The following SHROOM3 variants were observed in gnomAD, a reference collection of about 807,000 sequenced individuals.
SHROOM3 encodes the protein protein Shroom3.
In SHROOM3, 47 loss-of-function variants were observed where a neutral mutation model predicts 138.6. The ratio of observed to expected loss-of-function variants is 0.34; its 90% CI spans 0.27 to 0.43. The LOEUF (loss-of-function observed/expected upper bound fraction) is 0.43. Ranked by LOEUF, SHROOM3 falls within the 20% of genes least tolerant of loss-of-function variation. The pLI, the probability that SHROOM3 is intolerant of heterozygous loss-of-function variation, is 1.00. For missense variants in SHROOM3, 2,491 were observed against 2,596.5 expected, an observed-to-expected ratio of 0.96 and a Z score of 0.88; for synonymous variants, 1,062 against 1,063.3, an observed-to-expected ratio of 1.00 and a Z score of 0.02.
chr4:76,591,209 C>G (rs1734266730), intron 2 of SHROOM3, among the ~76,000 whole-genome samples: 1 of 152,164 alleles, frequency 6.6e-6, no homozygotes, highest in South Asian at 2.1e-4. Context: ...TACCCCTTAC[C>G]AGGCTATTTC....
intron 1 of SHROOM3, among the ~76,000 whole-genome samples, chr4:76,486,912 TA>T (rs34070396): frequency 1.9e-4 from 29 of 150,258 alleles, no homozygotes; most frequent in East Asian, 9.7e-4. Context: ...AAGGCAACTT[TA>T]AAAAAAAAAC....
chr4:76,768,163 A>T (rs941373427), intron 9 of SHROOM3, among the ~76,000 whole-genome samples: 3 of 152,212 alleles, frequency 2.0e-5, no homozygotes, highest in African/African-American at 7.2e-5. Context: ...TATCTGTCTG[A>T]AAAACAGGAA....
intron 1 of SHROOM3, among the ~76,000 whole-genome samples, chr4:76,502,589 C>T (rs1469846414): frequency 6.6e-6 from 1 of 152,118 alleles, no homozygotes; most frequent in Non-Finnish European, 1.5e-5. Flanking sequence ...GTGGGGAAAA[C>T]CCCCCACCCT....
chr4:76,632,345 C>G (rs1735350390), intron 2 of SHROOM3, among the ~76,000 whole-genome samples: 1 of 152,130 alleles, frequency 6.6e-6, no homozygotes, highest in Non-Finnish European at 1.5e-5. Flanking sequence ...GACATATCAA[C>G]CTCATGAGGA....
intron 2 of SHROOM3, among the ~76,000 whole-genome samples, chr4:76,695,591 C>T (rs1329603678): frequency 2.0e-5 from 3 of 152,144 alleles, no homozygotes; most frequent in East Asian, 1.9e-4. Flanking sequence ...ACGTTGAAAA[C>T]GCTGCTGATT....
chr4:76,506,136 A>C (rs1732206437), intron 1 of SHROOM3, among the ~76,000 whole-genome samples: 1 of 151,716 alleles, frequency 6.6e-6, no homozygotes, highest in Non-Finnish European at 1.5e-5. Context: ...AGAAAACCAA[A>C]CACTGCATGT....
intron 1 of SHROOM3, among the ~76,000 whole-genome samples, chr4:76,477,332 T>C (rs1230830166): frequency 6.6e-6 from 1 of 152,084 alleles, no homozygotes; most frequent in African/African-American, 2.4e-5. Context: ...CTAACCAAAA[T>C]AGGATTTGGT....
chr4:76,651,146 G>A (rs780855066), intron 2 of SHROOM3, among the ~76,000 whole-genome samples: 23 of 151,888 alleles, frequency 1.5e-4, no homozygotes, highest in Non-Finnish European at 2.6e-4. Flanking sequence ...GTAGTGGTGG[G>A]CTGGGTGGGG....
intron 1 of SHROOM3, among the ~76,000 whole-genome samples, chr4:76,542,225 AGTAG>A (rs1189515312): frequency 1.3e-5 from 2 of 152,318 alleles, no homozygotes; most frequent in Admixed American, 1.3e-4. Context: ...ATTCCCCAGC[AGTAG>A]GTGCCATTAT....
intron 7 of SHROOM3, among the ~76,000 whole-genome samples, chr4:76,756,190 G>A (rs751053156): frequency 5.9e-5 from 9 of 152,144 alleles, no homozygotes; most frequent in Non-Finnish European, 1.0e-4. Flanking sequence ...ATGTATGTTT[G>A]TGTGTCTAGC....
intron 1 of SHROOM3, among the ~76,000 whole-genome samples, chr4:76,504,785 G>A (rs969060042): frequency 1.5e-4 from 23 of 152,280 alleles, no homozygotes; most frequent in African/African-American, 5.1e-4. Flanking sequence ...GCATGGTGGA[G>A]CGGCAGATAA....
chr4:76,723,448 T>C (rs1720609156), intron 3 of SHROOM3, among the ~76,000 whole-genome samples: 1 of 152,252 alleles, frequency 6.6e-6, no homozygotes, highest in Non-Finnish European at 1.5e-5. Flanking sequence ...ATTTAGGTCT[T>C]GGTTTGAATG....
chr4:76,655,431 T>C (rs1212017778), intron 2 of SHROOM3, among the ~76,000 whole-genome samples: 1 of 152,222 alleles, frequency 6.6e-6, no homozygotes, highest in Non-Finnish European at 1.5e-5. Context: ...TCAGTCCTAT[T>C]GTCATTTCTA....
intron 2 of SHROOM3, among the ~76,000 whole-genome samples, chr4:76,574,278 A>C (rs1733893441): frequency 6.6e-6 from 1 of 152,206 alleles, no homozygotes; most frequent in Non-Finnish European, 1.5e-5. Context: ...TTTGGCAATT[A>C]GAATCCTCTA....
intron 9 of SHROOM3, among the ~76,000 whole-genome samples, chr4:76,770,259 G>A (rs992787242): frequency 7.1e-6 from 1 of 139,934 alleles, no homozygotes; most frequent in South Asian, 2.4e-4. Context: ...GGAGGCAGAG[G>A]ATTGCAGTGA....
chr4:76,689,615 T>C (rs1415704627), intron 2 of SHROOM3: 2 of 985,012 alleles, frequency 2.0e-6, no homozygotes, highest in Non-Finnish European at 2.4e-6. Context: ...GCGCGCCGCC[T>C]CCTCGGAGCG....
chr4:76,619,191 T>C (rs566679189), intron 2 of SHROOM3, among the ~76,000 whole-genome samples: 1 of 152,228 alleles, frequency 6.6e-6, no homozygotes, highest in Non-Finnish European at 1.5e-5. Flanking sequence ...CCATCCTTTC[T>C]TTAATGAATT....
At chr4:76,696,292 A>G (rs551003866) in intron 2 of SHROOM3, among the ~76,000 whole-genome samples, 1 of 151,892 alleles carries the variant, frequency 6.6e-6, no homozygotes, top group Non-Finnish European at 1.5e-5. Context: ...CCTCTTCACC[A>G]TCGCCCCCAG....
chr4:76,566,839 C>T (rs2110035827), intron 2 of SHROOM3, among the ~76,000 whole-genome samples: 1 of 152,360 alleles, frequency 6.6e-6, no homozygotes, highest in Non-Finnish European at 1.5e-5. Context: ...CACCTGTCTC[C>T]TCATGGTTCT....
Sources: allele counts gnomAD v4.1 joint callset (sites outside exome capture counted in the v4.1 genomes callset), GRCh38; gene constraint gnomAD v4.1.1; transcripts MANE v1.5; gene names NCBI Gene and HGNC (gene_info 2026-07-23, HGNC 2026-07-21).